ROBO1: variants seen among roughly 807,000 people sequenced by gnomAD.
ROBO1 encodes the protein roundabout guidance receptor 1.
Under a neutral mutation model 195.9 loss-of-function variants are expected in ROBO1, and 149 were observed. That is an observed-to-expected ratio of 0.76 (90% CI 0.67 to 0.87). The LOEUF (loss-of-function observed/expected upper bound fraction) is 0.87, where lower values mean the gene tolerates loss of function less well. Among genes scored for constraint, ROBO1 ranks in the 40% least tolerant of loss-of-function variants. ROBO1 has a pLI of 0.00. For synonymous variants in ROBO1, 816 were observed against 733.2 expected (o/e 1.11, Z -1.82); for missense variants, 1,933 against 2,068.3 (o/e 0.93, Z 1.27).
intron 4 of ROBO1, among the ~76,000 whole-genome samples, chr3:78,818,699 C>T (rs987330900): frequency 8.5e-5 from 13 of 152,176 alleles, no homozygotes; most frequent in African/African-American, 3.1e-4. Context: ...GCACTGACGG[C>T]GAATGAGCTG....
intron 2 of ROBO1, among the ~76,000 whole-genome samples, chr3:79,400,162 T>C (rs2037311814): frequency 1.3e-5 from 2 of 152,128 alleles, no homozygotes; most frequent in Admixed American, 1.3e-4. Context: ...TGCAATCAGC[T>C]AAAATAAATT....
At chr3:78,756,722 T>C (rs1028832221) in intron 4 of ROBO1, among the ~76,000 whole-genome samples, 3 of 152,124 alleles carry the variant, frequency 2.0e-5, no homozygotes, top group Non-Finnish European at 2.9e-5. Context: ...AAGTCTAATA[T>C]GCAAAACAAA....
At chr3:78,685,530 C>T (rs894893518) in intron 10 of ROBO1, among the ~76,000 whole-genome samples, 1 of 152,084 alleles carries the variant, frequency 6.6e-6, no homozygotes, top group Non-Finnish European at 1.5e-5. Flanking sequence ...TAGATAATTG[C>T]TATGCTTTTA....
At chr3:79,283,165 T>C (rs1322620283) in intron 2 of ROBO1, among the ~76,000 whole-genome samples, 3 of 152,252 alleles carry the variant, frequency 2.0e-5, no homozygotes, top group Admixed American at 6.5e-5. Flanking sequence ...AATTGCTTTT[T>C]AGACTTTAAA....
intron 4 of ROBO1, among the ~76,000 whole-genome samples, chr3:78,913,895 T>A (rs2038402709): frequency 6.6e-6 from 1 of 152,190 alleles, no homozygotes; most frequent in Non-Finnish European, 1.5e-5. Flanking sequence ...AGGGTCGTAT[T>A]TCCCTAGGCT....
chr3:79,439,809 T>C (rs559416393), intron 2 of ROBO1, among the ~76,000 whole-genome samples: 4 of 152,218 alleles, frequency 2.6e-5, no homozygotes, highest in Non-Finnish European at 5.9e-5. Flanking sequence ...TGTTCATTCT[T>C]AGTTGGAGAG....
chr3:79,453,997 G>A (rs767088701), intron 2 of ROBO1, among the ~76,000 whole-genome samples: 6 of 152,164 alleles, frequency 3.9e-5, no homozygotes, highest in Middle Eastern at 3.4e-3. Context: ...GTCAGCCTAA[G>A]CAAATAAGTA....
intron 2 of ROBO1, among the ~76,000 whole-genome samples, chr3:79,199,520 C>G (rs1289587696): frequency 6.6e-6 from 1 of 151,630 alleles, no homozygotes; most frequent in Non-Finnish European, 1.5e-5. Context: ...TTAACGTGTT[C>G]CTGATGATTT....
At chr3:79,510,924 C>T (rs1024634960) in intron 2 of ROBO1, among the ~76,000 whole-genome samples, 4 of 152,076 alleles carry the variant, frequency 2.6e-5, no homozygotes, top group Non-Finnish European at 4.4e-5. Context: ...CTGTTGTCTC[C>T]TTGAGACACT....
Position 79,501,383 on chromosome 3 carries a change from C to T in ROBO1, c.88+88441G>A, listed in dbSNP as rs1575924955. Among the ~76,000 whole-genome samples the T allele has an allele frequency of 2.0e-5, 3 of 152,236 alleles. No individual in the cohort carries two copies. The East Asian group carries it at 5.8e-4, about 29-fold the overall frequency. ...CTGCTTTTCATCTTTCAGAACAGAG[C>T]AGAGCAAAAAGCTATTTCTTGGCAT... On this transcript the variant is annotated intron_variant, in intron 2 of 30. Coordinates refer to ENST00000464233, the MANE Select transcript of ROBO1 (RefSeq NM_002941.4).
intron 3 of ROBO1, among the ~76,000 whole-genome samples, chr3:79,042,470 AC>A (rs1162315648): frequency 6.6e-6 from 1 of 152,058 alleles, no homozygotes; most frequent in Non-Finnish European, 1.5e-5. Flanking sequence ...CGGCGCAAAA[AC>A]CCTGGTTCCT....
intron 4 of ROBO1, among the ~76,000 whole-genome samples, chr3:78,850,838 C>T (rs1451217938): frequency 6.6e-6 from 1 of 151,476 alleles, no homozygotes; most frequent in Admixed American, 6.6e-5. Flanking sequence ...TGGTGTTTCA[C>T]TCTTGTTGCC....
intron 1 of ROBO1, among the ~76,000 whole-genome samples, chr3:79,765,443 A>G (rs1704931948): frequency 6.6e-6 from 1 of 152,110 alleles, no homozygotes; most frequent in South Asian, 2.1e-4. Flanking sequence ...ATCTACCAAC[A>G]CTGCCTCTTC....
chr3:78,751,008 G>C (rs1478497166), intron 4 of ROBO1, among the ~76,000 whole-genome samples: 3 of 152,088 alleles, frequency 2.0e-5, no homozygotes, highest in Admixed American at 6.6e-5. Flanking sequence ...CTAATCCATT[G>C]TATTTCCAAT....
chr3:79,542,649 A>G (rs1223451041), intron 2 of ROBO1, among the ~76,000 whole-genome samples: 1 of 152,058 alleles, frequency 6.6e-6, no homozygotes, highest in African/African-American at 2.4e-5. Flanking sequence ...GGAATGTCTC[A>G]TTTAATCCTC....
At chr3:79,323,114 C>G (rs2034057680) in intron 2 of ROBO1, among the ~76,000 whole-genome samples, 1 of 150,600 alleles carries the variant, frequency 6.6e-6, no homozygotes, top group Non-Finnish European at 1.5e-5. Context: ...CGAAGTCTCA[C>G]TCTGTCACCC....
chr3:79,560,535 T>TATATATATATATATA (rs908734216), intron 2 of ROBO1, among the ~76,000 whole-genome samples: 1 of 115,226 alleles, frequency 8.7e-6, no homozygotes, highest in Non-Finnish European at 1.7e-5. Context: ...ATAATAATAA[T>TATATATATATATATA]TATATATATA....
At chr3:79,342,099 C>T (rs550543330) in intron 2 of ROBO1, among the ~76,000 whole-genome samples, 1 of 152,204 alleles carries the variant, frequency 6.6e-6, no homozygotes, top group South Asian at 2.1e-4. Flanking sequence ...CTGGATTTAG[C>T]TGGATGGGAG....
chr3:79,600,094 T>C (rs1056676346), intron 1 of ROBO1, among the ~76,000 whole-genome samples: 2 of 152,034 alleles, frequency 1.3e-5, no homozygotes, highest in African/African-American at 2.4e-5. Context: ...AGATGAATTC[T>C]ATGCCCACTT....
Sources: gnomAD v4.1 joint callset for allele counts (sites outside exome capture counted in the v4.1 genomes callset) on GRCh38, gnomAD v4.1.1 for gene constraint, MANE v1.5 for transcripts, NCBI Gene and HGNC (gene_info 2026-07-23, HGNC 2026-07-21) for gene names.